The following SLC49A4 variants were observed in gnomAD, a reference collection of about 807,000 sequenced individuals.
SLC49A4 encodes disrupted in renal cancer protein 2.
In SLC49A4, 36 loss-of-function variants were observed where a neutral mutation model predicts 50.6. That is an observed-to-expected ratio of 0.71 (90% CI 0.55 to 0.94). The LOEUF is 0.94. Among genes scored for constraint, SLC49A4 ranks in the 40% least tolerant of loss-of-function variants. The pLI is 0.00. For synonymous variants in SLC49A4, 248 were observed against 241.2 expected (o/e 1.03, Z -0.26); for missense variants, 503 against 605.7 (o/e 0.83, Z 1.78).
chr3:122,839,918 G>C (rs1271284376), intron 4 of SLC49A4, among the ~76,000 whole-genome samples: 1 of 152,064 alleles, frequency 6.6e-6, no homozygotes, highest in African/African-American at 2.4e-5. Flanking sequence ...GTCTTTATAT[G>C]AAAAAGACGT....
At chr3:122,872,324 C>G in intron 7 of SLC49A4, 91 bp from the exon 8 acceptor site, 1 of 1,106,390 alleles carries the variant, frequency 9.0e-7, no homozygotes, top group Non-Finnish European at 1.3e-6. Flanking sequence ...ATTTTTGAGT[C>G]AATACTTAGG....
intron 4 of SLC49A4, among the ~76,000 whole-genome samples, chr3:122,838,319 A>G (rs1241775824): frequency 6.6e-6 from 1 of 152,188 alleles, no homozygotes; most frequent in Non-Finnish European, 1.5e-5. Flanking sequence ...ATATCCAACA[A>G]CGATAGACTG....
intron 2 of SLC49A4, among the ~76,000 whole-genome samples, chr3:122,815,083 G>A (rs759650552): frequency 4.6e-5 from 7 of 151,898 alleles, no homozygotes; most frequent in Non-Finnish European, 8.8e-5. Flanking sequence ...TCCAAGGCAG[G>A]TGACTGCATC....
chr3:122,798,567 G>A (rs1328845842), intron 1 of SLC49A4, among the ~76,000 whole-genome samples: 2 of 150,274 alleles, frequency 1.3e-5, no homozygotes, highest in Non-Finnish European at 2.9e-5. Flanking sequence ...CCTGCTACAG[G>A]TGTTCCATCT....
intron 5 of SLC49A4, among the ~76,000 whole-genome samples, chr3:122,848,140 A>G (rs1318859002): frequency 6.6e-6 from 1 of 152,160 alleles, no homozygotes; most frequent in African/African-American, 2.4e-5. Flanking sequence ...TTTACCTGTC[A>G]CATTTACCTA....
intron 4 of SLC49A4, among the ~76,000 whole-genome samples, chr3:122,845,434 C>T (rs1414316912): frequency 6.6e-6 from 1 of 152,080 alleles, no homozygotes; most frequent in Non-Finnish European, 1.5e-5. Context: ...TACACTCGTG[C>T]ATGTGTTTTT....
At chr3:122,852,736 C>A (rs915092796) in intron 5 of SLC49A4, among the ~76,000 whole-genome samples, 1 of 152,032 alleles carries the variant, frequency 6.6e-6, no homozygotes, top group Admixed American at 6.6e-5. Flanking sequence ...ACAAAGGCAC[C>A]CCACAGCAGG....
chr3:122,811,935 G>A (rs1175830368), intron 2 of SLC49A4, among the ~76,000 whole-genome samples: 1 of 151,906 alleles, frequency 6.6e-6, no homozygotes, highest in Non-Finnish European at 1.5e-5. Flanking sequence ...TACTACTTTT[G>A]GGAATATTTT....
At chr3:122,841,314 C>T (rs1481113904) in intron 4 of SLC49A4, among the ~76,000 whole-genome samples, 1 of 152,156 alleles carries the variant, frequency 6.6e-6, no homozygotes, top group Non-Finnish European at 1.5e-5. Context: ...TTGCAACATG[C>T]CGTCTTCTCT....
intron 4 of SLC49A4, among the ~76,000 whole-genome samples, chr3:122,834,997 T>C: frequency 6.6e-6 from 1 of 152,060 alleles, no homozygotes; most frequent in Non-Finnish European, 1.5e-5. Flanking sequence ...CTAGATTAAA[T>C]CAGGAAGAAA....
At chr3:122,804,685 A>G (rs1449939431) in intron 1 of SLC49A4, among the ~76,000 whole-genome samples, 2 of 152,288 alleles carry the variant, frequency 1.3e-5, no homozygotes, top group Middle Eastern at 3.4e-3. Flanking sequence ...GGGTCTCACT[A>G]TGTTACCCAG....
At chr3:122,857,284 T>TAAAAAAAA (rs10694942) in intron 6 of SLC49A4, among the ~76,000 whole-genome samples, 1 of 109,346 alleles carries the variant, frequency 9.1e-6, no homozygotes, top group Non-Finnish European at 1.8e-5. Flanking sequence ...CCATTCGTTC[T>TAAAAAAAA]AAAAAAAAAA....
At chr3:122,877,332 G>A (rs1023469184) in intron 8 of SLC49A4, among the ~76,000 whole-genome samples, 12 of 152,290 alleles carry the variant, frequency 7.9e-5, no homozygotes, top group Middle Eastern at 6.8e-3. Context: ...TTTACTGAGA[G>A]GTGGATTTGA....
intron 7 of SLC49A4, among the ~76,000 whole-genome samples, chr3:122,872,114 C>T (rs1421067469): frequency 6.6e-6 from 1 of 152,126 alleles, no homozygotes; most frequent in Non-Finnish European, 1.5e-5. Context: ...TGTGACCAAG[C>T]AGGAGAAGAA....
In SLC49A4 at chr3:122,798,028, A is replaced by G. The variant is rs551243157; in HGVS notation, c.343+2493A>G. Among the ~76,000 whole-genome samples, 18 of 152,226 alleles carry G rather than the reference A, an allele frequency of 1.2e-4. No homozygotes were observed. The East Asian group carries it at 3.5e-3, about 29-fold the overall frequency. On this transcript the variant is annotated intron_variant, in intron 1 of 8. Transcript: ENST00000261038. ...CAAAGTAGTACTTTACCTATAATCA[A>G]TGTTACAATAATATTTTTTTAAAAA...
chr3:122,834,826 A>G (rs771157407), intron 4 of SLC49A4, among the ~76,000 whole-genome samples: 10 of 152,178 alleles, frequency 6.6e-5, no homozygotes, highest in African/African-American at 1.7e-4. Context: ...TTAACCAAGA[A>G]AAGAAGATTC....
At chr3:122,827,425 T>C (rs1394001120) in intron 3 of SLC49A4, among the ~76,000 whole-genome samples, 1 of 152,256 alleles carries the variant, frequency 6.6e-6, no homozygotes, top group Non-Finnish European at 1.5e-5. Context: ...AACATCTATC[T>C]GTTGGTAGGT....
chr3:122,847,700 A>AC (rs1317070503), intron 5 of SLC49A4, among the ~76,000 whole-genome samples: 1 of 152,046 alleles, frequency 6.6e-6, no homozygotes, highest in Non-Finnish European at 1.5e-5. Flanking sequence ...GGAAAGTATG[A>AC]CCCCTATTTG....
In SLC49A4 at chr3:122,795,143, G is replaced by C; in HGVS notation, c.-50G>C. 7.7e-7 allele frequency: 1 copy of C among 1,302,602 alleles called. No individual in the cohort carries two copies. The highest frequency in any genetic ancestry group is 9.7e-7 in the Non-Finnish European group (1 of 1,034,082). 80.7% of individuals were successfully genotyped at this position (1,302,602 alleles called of 1,614,324 possible). A position where few individuals can be genotyped will look rare whatever the true frequency, so the allele number is the denominator to read the frequency against. ...GGACTATTCTGCGCTGGGCTAGTCG[G>C]CGGTGACCCGGACTGCGCCCGGCAG... is the stretch of plus-strand genomic sequence containing the variant. On this transcript the variant is annotated 5_prime_UTR_variant, in exon 1 of 9. Coordinates refer to ENST00000261038, the MANE Select transcript of SLC49A4 (RefSeq NM_032839.3).
Sources: gnomAD v4.1 joint callset for allele counts (sites outside exome capture counted in the v4.1 genomes callset) on GRCh38, gnomAD v4.1.1 for gene constraint, MANE v1.5 for transcripts, NCBI Gene and HGNC (gene_info 2026-07-23, HGNC 2026-07-21) for gene names.